Variants in SH3TC1 observed in about 807,000 individuals in gnomAD.
SH3TC1 encodes SH3 domain and tetratricopeptide repeats 1, also known as SH3 domain and tetratricopeptide repeat-containing protein 1.
SH3TC1 carries 135 observed loss-of-function variants against 117.3 expected under a neutral mutation model. That is an observed-to-expected ratio of 1.15 (90% confidence interval 1.00 to 1.33). The LOEUF (loss-of-function observed/expected upper bound fraction) is 1.33, where lower values mean the gene tolerates loss of function less well. SH3TC1 is among the 40% of genes most tolerant of loss of function. SH3TC1 has a pLI of 0.00. For synonymous variants in SH3TC1, 898 were observed against 816.9 expected, an observed-to-expected ratio of 1.10 and a Z score of -1.69; for missense variants, 2,092 against 1,794.3, an observed-to-expected ratio of 1.17 and a Z score of -3.00.
In SH3TC1 at chr4:8,227,677, G is replaced by A; in HGVS notation, c.1983G>A (p.Leu661=). 1.3e-6 allele frequency: 2 copies of A among 1,541,172 alleles called. No individual in the cohort carries two copies. Among genetic ancestry groups the A allele is most frequent in the South Asian group, 1.3e-5 (1 of 78,944 alleles). Reference sequence around the variant, plus strand: ...GGCGGGCGGTGGGTGGCCAGAGCCTGCAGGCCGAGGCCCGGGCCTGCTTCC... The same window carrying A: ...GGCGGGCGGTGGGTGGCCAGAGCCTACAGGCCGAGGCCCGGGCCTGCTTCC... ...ALRRAVGGQS[L]QAEARACFLL... The change falls in exon 12 of 18, where the codon CTG becomes CTA. Residue 661 remains leucine, a synonymous_variant. Coordinates refer to ENST00000245105, the MANE Select transcript of SH3TC1 (RefSeq NM_018986.5).
At position 8,225,015 on chromosome 4, in the gene SH3TC1, A is replaced by G; in HGVS notation, c.1244-160A>G. 1 of 844,826 alleles carries G rather than the reference A, an allele frequency of 1.2e-6. No individual in the cohort carries two copies. The highest frequency in any genetic ancestry group is 1.7e-5 in the South Asian group (1 of 59,544). The allele number at this position is 844,826 out of a possible 1,614,324, so 52.3% of individuals were successfully genotyped here. On this transcript the variant is annotated intron_variant, in intron 10 of 17. Coordinates refer to ENST00000245105, the MANE Select transcript of SH3TC1 (RefSeq NM_018986.5). The surrounding 1 kb of genome is among the most constrained non-coding windows in gnomAD (Gnocchi z 5.5). ...TCAGCCTGCAACACCTGCACCCTGC[A>G]ACACTCCAGCCCGCAACACCAGCAC...
chr4:8,228,274 C>G lies in SH3TC1; in HGVS notation c.2580C>G (p.Asp860Glu). Residue 860 changes from aspartate to glutamate, a missense_variant, in exon 12 of 18, where the codon GAC becomes GAG. Coordinates refer to ENST00000245105, the MANE Select transcript of SH3TC1 (RefSeq NM_018986.5). ...GGGATGCAGTGGTGGCCAGCGAGGA[C>G]CAGGAGGGCGTGATTGCCAACATGG... ...SVRDAVVASE[D>E]QEGVIANMVA... The G allele has an allele frequency of 1.1e-5, 17 of 1,612,330 alleles. No homozygotes were observed. Among genetic ancestry groups the G allele is most frequent in the Non-Finnish European group, 1.4e-5 (17 of 1,179,794 alleles).
In SH3TC1 at chr4:8,210,316, AC is replaced by A. The variant is rs1007208894; in HGVS notation, c.247+500del. Among the ~76,000 whole-genome samples the A allele has an allele frequency of 2.9e-4, 44 of 152,114 alleles. No individual in the cohort carries two copies. Among genetic ancestry groups the A allele is most frequent in the African/African-American group, 1.0e-3 (42 of 41,488 alleles). On this transcript the variant is annotated intron_variant, in intron 3 of 17. Transcript: ENST00000245105. This position sits in a 1 kb window ranked among gnomAD's most constrained non-coding sequence, Gnocchi z 4.1. ...AGCCCCTTACCCTGGAGACCCCCCA[AC>A]CCCCCGCTGGGGAGGAATGGAGACC...
chr4:8,193,615 T>C (rs997455892), intron 1 of SH3TC1, among the ~76,000 whole-genome samples: 3 of 152,198 alleles, frequency 2.0e-5, no homozygotes, highest in Admixed American at 6.5e-5. Flanking sequence ...TCCTGATCTG[T>C]TTCCCAGTCA....
chr4:8,240,588 G>A (rs1263156098), intron 17 of SH3TC1, 110 bp from the exon 18 acceptor site: 4 of 1,520,976 alleles, frequency 2.6e-6, no homozygotes, highest in African/African-American at 2.7e-5. Context: ...CGGGGCTCAT[G>A]GGGTGAGCCA....
At chr4:8,187,890 T>C (rs1010805292) in intron 1 of SH3TC1, among the ~76,000 whole-genome samples, 1 of 152,160 alleles carries the variant, frequency 6.6e-6, no homozygotes, top group African/African-American at 2.4e-5. Context: ...TTACCACTGC[T>C]TTACCTGTGT....
intron 13 of SH3TC1, 97 bp downstream of exon 13, chr4:8,232,253 C>T (rs1345130237): frequency 6.4e-6 from 9 of 1,410,110 alleles, no homozygotes; most frequent in Admixed American, 2.2e-5. Context: ...CCCAGCAGCC[C>T]CTCTCCTTGG....
intron 16 of SH3TC1, chr4:8,237,205 T>G: frequency 2.6e-6 from 1 of 391,032 alleles, no homozygotes. Context: ...GCTCTCCTGG[T>G]TAAAAACAGT....
Position 8,236,853 on chromosome 4 carries a change from TC to T in SH3TC1, c.3556+430del, listed in dbSNP as rs536734981. 328 of 170,532 alleles carry T rather than the reference TC, an allele frequency of 1.9e-3. 2 individuals carry two copies. The highest frequency in any genetic ancestry group is 2.9e-3 in the Non-Finnish European group (232 of 80,754). The allele number at this position is 170,532 out of a possible 1,614,324, so 10.6% of individuals were successfully genotyped here. A position where few individuals can be genotyped will look rare whatever the true frequency, so the allele number is the denominator to read the frequency against. ...GCAGCCTGCCCCTTAATGCCGGGCATCCCCCGGTGCTGTGCCAGGGTCGTCT... is the reference window on the plus strand; with the variant it reads ...GCAGCCTGCCCCTTAATGCCGGGCATCCCCGGTGCTGTGCCAGGGTCGTCT... On this transcript the variant is annotated intron_variant, in intron 16 of 17. Transcript: ENST00000245105.
At chr4:8,216,534 A>G (rs1194398859) in intron 6 of SH3TC1, among the ~76,000 whole-genome samples, 2 of 152,168 alleles carry the variant, frequency 1.3e-5, no homozygotes, top group African/African-American at 2.4e-5. Context: ...TGTCTCTGAC[A>G]TGGCTGCTGC....
In SH3TC1 at chr4:8,227,334, G is replaced by A. The variant is rs1040416168; in HGVS notation, c.1640G>A (p.Arg547Gln). The change falls in exon 12 of 18, where the codon CGG becomes CAG. Residue 547 changes from arginine (R) to glutamine (Q), a missense_variant. Physicochemically the swap from Arg to Gln is conservative, Grantham distance 43. Transcript: ENST00000245105. ...EELTGRLAQA[R>Q]GAAKKAGLLM... The stretch of plus-strand genomic sequence containing the variant: ...CTGACTGGGCGCCTGGCACAGGCCC[G>A]GGGGGCGGCCAAGAAAGCTGGCCTC... The A allele has an allele frequency of 1.6e-5, 26 of 1,604,784 alleles. No individual in the cohort carries two copies. The highest frequency in any genetic ancestry group is 1.7e-4 in the Middle Eastern group (1 of 5,762).
At chr4:8,222,719 T>C (rs1379769568) in intron 9 of SH3TC1, 121 bp from the exon 10 acceptor site, 11 of 1,226,632 alleles carry the variant, frequency 9.0e-6, no homozygotes, top group African/African-American at 1.5e-5. Flanking sequence ...TCTCTACCCC[T>C]GGGCAGAGAG....
intron 1 of SH3TC1, among the ~76,000 whole-genome samples, chr4:8,185,543 T>C (rs576209679): frequency 2.0e-5 from 3 of 152,214 alleles, no homozygotes; most frequent in South Asian, 4.1e-4. Context: ...TGCAAACAGA[T>C]GCGAACGCAT....
chr4:8,199,743 C>T (rs534585883), intron 1 of SH3TC1, among the ~76,000 whole-genome samples: 1 of 152,196 alleles, frequency 6.6e-6, no homozygotes, highest in Non-Finnish European at 1.5e-5. Flanking sequence ...GCCAGCCTGT[C>T]GCTGGATTCC....
intron 14 of SH3TC1, among the ~76,000 whole-genome samples, chr4:8,234,142 A>G (rs943847673): frequency 2.3e-5 from 3 of 127,984 alleles, no homozygotes; most frequent in East Asian, 2.3e-4. Context: ...CCATTTATCC[A>G]TTCATCCATC....
rs750802111 is a variant in SH3TC1 at position 8,227,737 on chromosome 4, CGAG to C, written c.2048_2050del (p.Glu683del). The C allele has an allele frequency of 1.2e-6, 2 of 1,602,628 alleles. No individual in the cohort carries two copies. The highest frequency in any genetic ancestry group is 1.1e-5 in the South Asian group (1 of 89,838). On this transcript the variant is annotated inframe_deletion, in exon 12 of 18. Transcript: ENST00000245105. ...GGCACCACGTGCACCTCAAGCAGCC[CGAG>C]GAGGCCCTGCCCTTCCTAGAGCGGC...
At chr4:8,233,747 C>CCATTCACCTGTT (rs1173339729) in intron 14 of SH3TC1, among the ~76,000 whole-genome samples, 1 of 51,304 alleles carries the variant, frequency 1.9e-5, no homozygotes, top group Non-Finnish European at 4.2e-5. Flanking sequence ...GTTCATCCAT[C>CCATTCACCTGTT]CATCCATCCA....
chr4:8,203,927 T>A (rs1400875748), intron 1 of SH3TC1, among the ~76,000 whole-genome samples: 1 of 152,042 alleles, frequency 6.6e-6, no homozygotes, highest in East Asian at 1.9e-4. Flanking sequence ...AAGTGGGAGA[T>A]GGGGATAAGG....
intron 1 of SH3TC1, among the ~76,000 whole-genome samples, chr4:8,193,582 G>A (rs1219874400): frequency 6.6e-6 from 1 of 152,148 alleles, no homozygotes; most frequent in African/African-American, 2.4e-5. Context: ...TCCCTTTGCT[G>A]CTGCACCAAT....
Sources: allele counts gnomAD v4.1 joint callset (sites outside exome capture counted in the v4.1 genomes callset), GRCh38; gene constraint gnomAD v4.1.1; non-coding constraint Gnocchi (gnomAD v3.1); transcripts MANE v1.5; gene names NCBI Gene and HGNC (gene_info 2026-07-23, HGNC 2026-07-21).